The following GNAO1 variants were observed in gnomAD, a reference collection of about 807,000 sequenced individuals.
GNAO1 encodes the protein G protein subunit alpha o1.
For missense variants in GNAO1, 166 were observed against 478.7 expected (o/e 0.35, Z 6.10); for synonymous variants, 164 against 180.7 (o/e 0.91, Z 0.74).
chr16:56,202,395 G>C (rs545963188), intron 2 of GNAO1, among the ~76,000 whole-genome samples: 1 of 152,134 alleles, frequency 6.6e-6, no homozygotes, highest in Non-Finnish European at 1.5e-5. Context: ...AAGAAATGTG[G>C]GCTACAGAAA....
intron 2 of GNAO1, among the ~76,000 whole-genome samples, chr16:56,260,747 C>T (rs1441749582): frequency 6.6e-6 from 1 of 152,034 alleles, no homozygotes; most frequent in African/African-American, 2.4e-5. Flanking sequence ...TAATGAGGAA[C>T]TTCCATATGC....
At chr16:56,245,259 G>A (rs977305988) in intron 2 of GNAO1, among the ~76,000 whole-genome samples, 9 of 152,168 alleles carry the variant, frequency 5.9e-5, no homozygotes, top group South Asian at 4.1e-4. Flanking sequence ...TTAGAAATCT[G>A]GTGAGCCCTG....
chr16:56,224,235 C>T (rs1445983796), intron 2 of GNAO1, among the ~76,000 whole-genome samples: 3 of 152,134 alleles, frequency 2.0e-5, no homozygotes, highest in African/African-American at 4.8e-5. Flanking sequence ...TGGCCTGGCC[C>T]CTGGTACAGC....
At chr16:56,318,675 A>G (rs763604682) in intron 3 of GNAO1, among the ~76,000 whole-genome samples, 9 of 152,250 alleles carry the variant, frequency 5.9e-5, no homozygotes, top group Non-Finnish European at 1.2e-4. Flanking sequence ...GATCCAAAGC[A>G]GCTCCTCAAA....
At chr16:56,239,047 T>C (rs1467919835) in intron 2 of GNAO1, among the ~76,000 whole-genome samples, 1 of 152,260 alleles carries the variant, frequency 6.6e-6, no homozygotes, top group Admixed American at 6.5e-5. Context: ...GGAAGATTTT[T>C]CCTTTTGTGT....
intron 3 of GNAO1, among the ~76,000 whole-genome samples, chr16:56,294,348 A>G (rs2037263502): frequency 6.6e-6 from 1 of 151,426 alleles, no homozygotes; most frequent in African/African-American, 2.4e-5. Flanking sequence ...CTTTAAAAAA[A>G]AAAAAAAAAA....
intron 2 of GNAO1, among the ~76,000 whole-genome samples, chr16:56,219,431 A>G (rs2036464324): frequency 6.6e-6 from 1 of 152,128 alleles, no homozygotes; most frequent in Admixed American, 6.5e-5. Context: ...TCTCCTGCTT[A>G]CCATTCTCAC....
At chr16:56,252,409 A>T (rs2036807748) in intron 2 of GNAO1, among the ~76,000 whole-genome samples, 1 of 152,228 alleles carries the variant, frequency 6.6e-6, no homozygotes, top group South Asian at 2.1e-4. Context: ...ACTGGGTTGC[A>T]AGGAGAGCAG....
intron 3 of GNAO1, among the ~76,000 whole-genome samples, chr16:56,309,052 T>C (rs1399651727): frequency 3.3e-5 from 5 of 152,158 alleles, no homozygotes; most frequent in African/African-American, 1.2e-4. Flanking sequence ...TTGGTTTCTA[T>C]GGCTCCCCGC....
chr16:56,339,220 A>T (rs1265944236), intron 6 of GNAO1, among the ~76,000 whole-genome samples: 1 of 152,212 alleles, frequency 6.6e-6, no homozygotes, highest in East Asian at 1.9e-4. Flanking sequence ...AGTCAGACAG[A>T]TCTGGTCCAG....
intron 3 of GNAO1, among the ~76,000 whole-genome samples, chr16:56,280,299 A>C (rs2037102315): frequency 6.6e-6 from 1 of 152,194 alleles, no homozygotes; most frequent in Admixed American, 6.5e-5. Context: ...AGGTGAGCAA[A>C]GGCCCTTGAA....
In GNAO1 at chr16:56,351,757, T is replaced by C. The variant is rs2037923778; in HGVS notation, c.877+220T>C. The C allele has an allele frequency of 7.3e-6, 4 of 548,070 alleles. No individual in the cohort carries two copies. Among genetic ancestry groups the C allele is most frequent in the Admixed American group, 6.3e-5 (2 of 31,686 alleles). The allele number at this position is 548,070 out of a possible 1,614,324, so 34.0% of individuals were successfully genotyped here. ...GGTGGAAATGGCCCCTCCTAAGATA[T>C]ATGTGTTAGGACCAAGTGACTCAGG... On this transcript the variant is annotated intron_variant, in intron 7 of 8. Transcript: ENST00000262493. The surrounding 1 kb of genome is among the most constrained non-coding windows in gnomAD (Gnocchi z 6.1).
chr16:56,222,683 G>T (rs116592935), intron 2 of GNAO1, among the ~76,000 whole-genome samples: 1 of 152,114 alleles, frequency 6.6e-6, no homozygotes, highest in East Asian at 1.9e-4. Flanking sequence ...AGCCTCCATC[G>T]TAGGTGTGTG....
At chr16:56,254,731 T>C (rs1596822899) in intron 2 of GNAO1, among the ~76,000 whole-genome samples, 1 of 152,150 alleles carries the variant, frequency 6.6e-6, no homozygotes, top group Admixed American at 6.5e-5. Context: ...CTTTCTGTCG[T>C]ATTTTGTTTC....
chr16:56,271,038 A>C (rs1231789481), intron 2 of GNAO1: 2 of 152,248 alleles, frequency 1.3e-5, no homozygotes, highest in Non-Finnish European at 2.9e-5. Context: ...CTGTCACATG[A>C]GACTGAACTC....
At chr16:56,328,903 G>A in intron 4 of GNAO1, 112 bp downstream of exon 4, 1 of 1,041,382 alleles carries the variant, frequency 9.6e-7, no homozygotes, top group Non-Finnish European at 1.4e-6. Flanking sequence ...GGTCACGCCT[G>A]CCGGGAGATG....
At chr16:56,316,691 A>T (rs2037513539) in intron 3 of GNAO1, among the ~76,000 whole-genome samples, 2 of 151,374 alleles carry the variant, frequency 1.3e-5, no homozygotes, top group African/African-American at 2.4e-5. Flanking sequence ...TGGCCTCCCC[A>T]CTCCCCAGCT....
intron 2 of GNAO1, among the ~76,000 whole-genome samples, chr16:56,217,120 C>T (rs1275595326): frequency 6.6e-6 from 1 of 152,178 alleles, no homozygotes; most frequent in Non-Finnish European, 1.5e-5. Flanking sequence ...CTATATTTTC[C>T]ATAATTTGGA....
At chr16:56,221,764 A>G (rs2036491491) in intron 2 of GNAO1, among the ~76,000 whole-genome samples, 1 of 151,966 alleles carries the variant, frequency 6.6e-6, no homozygotes, top group African/African-American at 2.4e-5. Flanking sequence ...ACCACGGGGT[A>G]CAAGGATAAA....
Sources: allele counts gnomAD v4.1 joint callset (sites outside exome capture counted in the v4.1 genomes callset), GRCh38; gene constraint gnomAD v4.1.1; non-coding constraint Gnocchi (gnomAD v3.1); transcripts MANE v1.5; gene names NCBI Gene and HGNC (gene_info 2026-07-23, HGNC 2026-07-21).